ANKS1B: variants seen among roughly 807,000 people sequenced by gnomAD.
The protein encoded by ANKS1B is ankyrin repeat and sterile alpha motif domain containing 1B, also known as ankyrin repeat and sterile alpha motif domain-containing protein 1B.
Under a neutral mutation model 148.3 loss-of-function variants are expected in ANKS1B, and 36 were observed. The ratio of observed to expected loss-of-function variants is 0.24; its 90% CI spans 0.19 to 0.32. The LOEUF is 0.32. Ranked by LOEUF, ANKS1B falls within the 10% of genes least tolerant of loss-of-function variation. The pLI, the probability that ANKS1B is intolerant of heterozygous loss-of-function variation, is 1.00. For synonymous variants in ANKS1B, 542 were observed against 560.8 expected, an observed-to-expected ratio of 0.97 and a Z score of 0.47; for missense variants, 1,157 against 1,542.6, an observed-to-expected ratio of 0.75 and a Z score of 4.19.
In ANKS1B at chr12:99,409,693, G is replaced by A. The variant is rs534486244; in HGVS notation, c.1576-9882C>T. Among the ~76,000 whole-genome samples the A allele has an allele frequency of 2.6e-5, 4 of 151,832 alleles. No individual in the cohort carries two copies. In the South Asian group the frequency reaches 8.3e-4, roughly 32 times the overall value. On this transcript the variant is annotated intron_variant, in intron 11 of 26. Coordinates refer to ENST00000683438, the MANE Select transcript of ANKS1B (RefSeq NM_001352186.2). The stretch of plus-strand genomic sequence containing the variant: ...AAAAGAGATATCTATGTGGAGAAAT[G>A]GAATAACAGCAATGGGAGAAAAGAA...
chr12:99,501,990 G>A (rs769429619), intron 10 of ANKS1B, among the ~76,000 whole-genome samples: 36 of 151,950 alleles, frequency 2.4e-4, no homozygotes, highest in Non-Finnish European at 5.1e-4. Flanking sequence ...GAGTTGACCT[G>A]AGCCTGATCA....
chr12:99,167,791 C>T (rs2153834602), intron 14 of ANKS1B, among the ~76,000 whole-genome samples: 1 of 152,274 alleles, frequency 6.6e-6, no homozygotes, highest in African/African-American at 2.4e-5. Flanking sequence ...CAACTAGAAA[C>T]ATCCTAAAAG....
chr12:99,891,336 GTGTT>G (rs554552579), intron 1 of ANKS1B, among the ~76,000 whole-genome samples: 55 of 152,112 alleles, frequency 3.6e-4, no homozygotes, highest in Non-Finnish European at 5.6e-4. Context: ...ATGTGTGTGT[GTGTT>G]TGTGTGTGTG....
At chr12:98,910,920 C>T (rs2099785917) in intron 17 of ANKS1B, among the ~76,000 whole-genome samples, 1 of 152,018 alleles carries the variant, frequency 6.6e-6, no homozygotes, top group South Asian at 2.1e-4. Context: ...TTAAAGTAGC[C>T]AAATCTGACA....
At chr12:99,671,043 A>G (rs1271620411) in intron 8 of ANKS1B, among the ~76,000 whole-genome samples, 2 of 152,214 alleles carry the variant, frequency 1.3e-5, no homozygotes, top group Non-Finnish European at 1.5e-5. Flanking sequence ...AAAAGGATTC[A>G]GAGACTGTTT....
At chr12:99,733,197 T>C (rs1444585427) in intron 8 of ANKS1B, among the ~76,000 whole-genome samples, 4 of 152,204 alleles carry the variant, frequency 2.6e-5, no homozygotes, top group African/African-American at 9.7e-5. Flanking sequence ...AATATGAGCA[T>C]GCAGGATATC....
chr12:99,790,626 A>G (rs1446741048), intron 4 of ANKS1B, among the ~76,000 whole-genome samples: 1 of 152,076 alleles, frequency 6.6e-6, no homozygotes, highest in Admixed American at 6.6e-5. Flanking sequence ...GCAAAGTTAA[A>G]CTGTATAGTT....
Position 99,557,343 on chromosome 12 carries a change from G to A in ANKS1B, c.1273-52702C>T, listed in dbSNP as rs148070769. ...ATTTGGTCTCCCATATTTCTTGAAG[G>A]TTTTGTTCATTTTTTTAATTCTTTT... is the stretch of plus-strand genomic sequence containing the variant. On this transcript the variant is annotated intron_variant, in intron 9 of 26. Transcript: ENST00000683438. Among the ~76,000 whole-genome samples, 137 of 152,234 alleles carry A rather than the reference G, an allele frequency of 9.0e-4. 1 individual carries two copies. The highest frequency in any genetic ancestry group is 3.2e-3 in the African/African-American group (134 of 41,556).
intron 10 of ANKS1B, among the ~76,000 whole-genome samples, chr12:99,464,225 G>A (rs560031771): frequency 6.6e-6 from 1 of 152,306 alleles, no homozygotes; most frequent in South Asian, 2.1e-4. Context: ...ACCTGCAGCT[G>A]AGGGTCCTGT....
At chr12:98,920,931 G>A (rs1373871797) in intron 17 of ANKS1B, among the ~76,000 whole-genome samples, 2 of 152,092 alleles carry the variant, frequency 1.3e-5, no homozygotes, top group African/African-American at 4.8e-5. Context: ...AAAAGCTAAG[G>A]ATGAAAGCAA....
intron 12 of ANKS1B, among the ~76,000 whole-genome samples, chr12:99,300,122 GT>G (rs2081407162): frequency 6.6e-6 from 1 of 152,120 alleles, no homozygotes; most frequent in African/African-American, 2.4e-5. Flanking sequence ...AAATAAAAAT[GT>G]TTTAATTAAT....
chr12:99,118,922 TAAC>T (rs908904281), intron 15 of ANKS1B, among the ~76,000 whole-genome samples: 1 of 152,028 alleles, frequency 6.6e-6, no homozygotes, highest in Non-Finnish European at 1.5e-5. Flanking sequence ...GGTCTCGGGG[TAAC>T]AACAATAGCA....
chr12:99,354,004 A>G (rs1487371210), intron 12 of ANKS1B, among the ~76,000 whole-genome samples: 2 of 152,054 alleles, frequency 1.3e-5, no homozygotes, highest in Non-Finnish European at 2.9e-5. Context: ...AATTAACTTG[A>G]TTTCAGCTAA....
At chr12:99,599,126 C>G (rs1219121654) in intron 9 of ANKS1B, among the ~76,000 whole-genome samples, 1 of 152,006 alleles carries the variant, frequency 6.6e-6, no homozygotes, top group Non-Finnish European at 1.5e-5. Flanking sequence ...TAGGGCCCAC[C>G]TAGATAATCC....
intron 20 of ANKS1B, among the ~76,000 whole-genome samples, chr12:98,807,355 G>A (rs2099058608): frequency 3.3e-5 from 5 of 151,930 alleles, no homozygotes; most frequent in African/African-American, 4.8e-5. Flanking sequence ...CCCCACATTT[G>A]CATAAAATGT....
chr12:98,884,302 C>T (rs2099729985), intron 17 of ANKS1B, among the ~76,000 whole-genome samples: 2 of 152,168 alleles, frequency 1.3e-5, no homozygotes, highest in Non-Finnish European at 2.9e-5. Flanking sequence ...ATTTTTATAA[C>T]ATTAACTTTA....
intron 17 of ANKS1B, among the ~76,000 whole-genome samples, chr12:98,968,314 T>A (rs2099880321): frequency 6.6e-6 from 1 of 151,946 alleles, no homozygotes; most frequent in Admixed American, 6.6e-5. Context: ...GAAGTGCAAA[T>A]TAACAGGACC....
chr12:99,687,236 C>T (rs1050604835), intron 8 of ANKS1B, among the ~76,000 whole-genome samples: 3 of 151,876 alleles, frequency 2.0e-5, no homozygotes, highest in African/African-American at 7.2e-5. Flanking sequence ...AGTAATATAC[C>T]TTTTTTCTCT....
At chr12:99,764,087 C>T (rs11110028) in intron 8 of ANKS1B, among the ~76,000 whole-genome samples, 31,303 of 152,114 alleles carry the variant, frequency 0.21, 3,450 homozygotes, top group Non-Finnish European at 0.24. Context: ...ATGCCTACAC[C>T]GAAATACAGG....
Sources: allele counts gnomAD v4.1 joint callset (sites outside exome capture counted in the v4.1 genomes callset), GRCh38; gene constraint gnomAD v4.1.1; transcripts MANE v1.5; gene names NCBI Gene and HGNC (gene_info 2026-07-23, HGNC 2026-07-21).